The following GRID1 variants were observed in gnomAD, a reference collection of about 807,000 sequenced individuals.
GRID1 encodes the protein glutamate receptor ionotropic, delta-1.
A neutral mutation model predicts 98.0 loss-of-function variants in GRID1; 28 were observed. That is an observed-to-expected ratio of 0.29 (90% CI 0.21 to 0.39). The LOEUF (loss-of-function observed/expected upper bound fraction) is 0.39. GRID1 is among the 10% of genes least tolerant of loss of function. The pLI, the probability that GRID1 is intolerant of heterozygous loss-of-function variation, is 1.00. For missense variants in GRID1, 1,111 were observed against 1,340.5 expected, an observed-to-expected ratio of 0.83 and a Z score of 2.67; for synonymous variants, 553 against 538.5, an observed-to-expected ratio of 1.03 and a Z score of -0.37.
intron 2 of GRID1, among the ~76,000 whole-genome samples, chr10:86,352,248 A>C (rs1174258637): frequency 6.6e-6 from 1 of 152,186 alleles, no homozygotes; most frequent in Non-Finnish European, 1.5e-5. Context: ...AAATTTGGGC[A>C]CTGTAGCCCT....
intron 12 of GRID1, among the ~76,000 whole-genome samples, chr10:85,717,601 A>G (rs1841654378): frequency 6.6e-6 from 1 of 152,236 alleles, no homozygotes; most frequent in Admixed American, 6.5e-5. Flanking sequence ...GGATGGAGGC[A>G]GAGCCAAACC....
chr10:86,162,466 G>A (rs1300134719), intron 3 of GRID1, among the ~76,000 whole-genome samples: 10 of 152,158 alleles, frequency 6.6e-5, no homozygotes. Context: ...TGCAAACTGT[G>A]TGTTCTCTCA....
intron 14 of GRID1, among the ~76,000 whole-genome samples, chr10:85,615,351 T>G (rs1842775899): frequency 6.6e-6 from 1 of 152,180 alleles, no homozygotes; most frequent in Admixed American, 6.5e-5. Context: ...CAACATAAAC[T>G]GTTGACCGCC....
intron 10 of GRID1, among the ~76,000 whole-genome samples, chr10:85,726,197 A>G (rs1406707404): frequency 6.6e-6 from 1 of 152,118 alleles, no homozygotes; most frequent in African/African-American, 2.4e-5. Flanking sequence ...TTATGCCCCA[A>G]AATCTCAGTT....
At chr10:85,668,154 T>C (rs942058920) in intron 12 of GRID1, among the ~76,000 whole-genome samples, 4 of 152,208 alleles carry the variant, frequency 2.6e-5, no homozygotes, top group African/African-American at 9.7e-5. Flanking sequence ...TGGGGATGCT[T>C]CCACAGGGAG....
chr10:85,964,297 T>C (rs2131850921), intron 4 of GRID1, among the ~76,000 whole-genome samples: 1 of 151,762 alleles, frequency 6.6e-6, no homozygotes, highest in East Asian at 1.9e-4. Context: ...AAAAAATAAA[T>C]TTCATATGGA....
intron 4 of GRID1, among the ~76,000 whole-genome samples, chr10:85,999,130 T>C (rs1842774847): frequency 6.6e-6 from 1 of 151,344 alleles, no homozygotes; most frequent in Admixed American, 6.6e-5. Flanking sequence ...GAGAATCAGT[T>C]GAACTTGGGA....
intron 2 of GRID1, among the ~76,000 whole-genome samples, chr10:86,332,743 G>A (rs2132103864): frequency 6.6e-6 from 1 of 151,274 alleles, no homozygotes; most frequent in Admixed American, 6.6e-5. Flanking sequence ...AAACTCCATG[G>A]TCTACACCGA....
intron 8 of GRID1, among the ~76,000 whole-genome samples, chr10:85,827,355 T>C (rs1199832602): frequency 1.3e-5 from 2 of 152,006 alleles, no homozygotes; most frequent in African/African-American, 4.8e-5. Flanking sequence ...AACAGCAGAA[T>C]TGACCAAGCT....
chr10:86,287,377 C>A lies in GRID1; in HGVS notation c.235+76564G>T, dbSNP rs1223327322. Among the ~76,000 whole-genome samples the A allele has an allele frequency of 2.0e-5, 3 of 152,204 alleles. No homozygotes were observed. The East Asian group carries it at 5.8e-4, about 29-fold the overall frequency. ...GATAATCAGGGGAGAGCCCTGGGCACCATTCCTGGTCCCAGTAACGCACCA... is the reference window on the plus strand; with the variant it reads ...GATAATCAGGGGAGAGCCCTGGGCAACATTCCTGGTCCCAGTAACGCACCA... On this transcript the variant is annotated intron_variant, in intron 2 of 15. Transcript: ENST00000327946.
intron 8 of GRID1, among the ~76,000 whole-genome samples, chr10:85,840,986 C>T (rs1462141973): frequency 6.6e-6 from 1 of 152,010 alleles, no homozygotes; most frequent in African/African-American, 2.4e-5. Context: ...TAGAAGAAAA[C>T]ATTTTAAAAT....
At chr10:86,117,396 TCAC>T (rs1249854811) in intron 4 of GRID1, among the ~76,000 whole-genome samples, 3 of 149,182 alleles carry the variant, frequency 2.0e-5, no homozygotes, top group Admixed American at 6.7e-5. Context: ...AACACCAACA[TCAC>T]CACCAACACC....
intron 2 of GRID1, among the ~76,000 whole-genome samples, chr10:86,344,976 G>A (rs932769431): frequency 5.3e-5 from 8 of 152,308 alleles, no homozygotes; most frequent in South Asian, 2.1e-4. Flanking sequence ...TTCCCTGCCC[G>A]GATGGACAAT....
rs535072510 is a variant in GRID1, at chr10:85,818,642, A to T, written c.1233+35854T>A. Among the ~76,000 whole-genome samples the T allele has an allele frequency of 2.0e-5, 3 of 152,312 alleles. No homozygotes were observed. The South Asian group carries it at 6.2e-4, about 32-fold the overall frequency. The stretch of plus-strand genomic sequence containing the variant: ...GAAAATAAAGAAGTCCTCAAAAAGG[A>T]TGAGGGAGGCATGTCCAAAGGAGAT... On this transcript the variant is annotated intron_variant, in intron 8 of 15. Coordinates refer to ENST00000327946, the MANE Select transcript of GRID1 (RefSeq NM_017551.3).
chr10:85,664,210 G>C (rs1162144658), intron 12 of GRID1, among the ~76,000 whole-genome samples: 3 of 152,138 alleles, frequency 2.0e-5, no homozygotes, highest in East Asian at 3.9e-4. Flanking sequence ...CCAGTAAGAA[G>C]AGTCATGCTT....
At chr10:86,069,458 C>T (rs1175658972) in intron 4 of GRID1, among the ~76,000 whole-genome samples, 1 of 152,134 alleles carries the variant, frequency 6.6e-6, no homozygotes, top group East Asian at 1.9e-4. Flanking sequence ...ACCACCCTGG[C>T]TAACACGGTG....
At chr10:86,227,924 T>C (rs909380373) in intron 2 of GRID1, among the ~76,000 whole-genome samples, 3 of 152,044 alleles carry the variant, frequency 2.0e-5, no homozygotes, top group South Asian at 2.1e-4. Context: ...AAATGCTGAA[T>C]GATGGCCACA....
At chr10:85,810,902 G>C (rs779988709) in intron 8 of GRID1, among the ~76,000 whole-genome samples, 1 of 151,990 alleles carries the variant, frequency 6.6e-6, no homozygotes, top group Non-Finnish European at 1.5e-5. Context: ...CCCTGACCCC[G>C]GTGAGCCAGT....
At chr10:85,686,860 A>G (rs996001907) in intron 12 of GRID1, among the ~76,000 whole-genome samples, 1 of 152,176 alleles carries the variant, frequency 6.6e-6, no homozygotes, top group East Asian at 1.9e-4. Flanking sequence ...GATAAAAAAT[A>G]CAGGTATTGA....
Sources: gnomAD v4.1 joint callset for allele counts (sites outside exome capture counted in the v4.1 genomes callset) on GRCh38, gnomAD v4.1.1 for gene constraint, MANE v1.5 for transcripts, NCBI Gene and HGNC (gene_info 2026-07-23, HGNC 2026-07-21) for gene names.